PUM1: variants seen among roughly 807,000 people sequenced by gnomAD.
The protein encoded by PUM1 is pumilio RNA binding family member 1.
Under a neutral mutation model 131.8 loss-of-function variants are expected in PUM1, and 13 were observed. That is an observed-to-expected ratio of 0.10 (90% CI 0.06 to 0.16). The LOEUF is 0.16. Among genes scored for constraint, PUM1 ranks in the 10% least tolerant of loss-of-function variants. The probability of loss-of-function intolerance (pLI) is 1.00; values close to 1 mark genes in which losing one functional copy is unlikely to be tolerated. For synonymous variants in PUM1, 509 were observed against 556.5 expected (o/e 0.91, Z 1.20); for missense variants, 961 against 1,512.4 (o/e 0.64, Z 6.05).
At chr1:31,005,744 G>C (rs1642376730) in intron 5 of PUM1, 109 bp downstream of exon 5, 2 of 1,063,868 alleles carry the variant, frequency 1.9e-6, no homozygotes, top group Admixed American at 2.7e-5. Context: ...TTAATGCTGT[G>C]AACATCTAAG....
Position 30,993,087 on chromosome 1 carries a change from C to A in PUM1, c.888-427G>T, listed in dbSNP as rs182937575. Among the ~76,000 whole-genome samples the A allele has an allele frequency of 2.0e-5, 3 of 152,200 alleles. 1 individual carries two copies. The highest frequency in any genetic ancestry group is 2.0e-4 in the Admixed American group (3 of 15,280). On this transcript the variant is annotated intron_variant, in intron 6 of 21. Transcript: ENST00000426105. The stretch of plus-strand genomic sequence containing the variant: ...GGGGAAATTCCACAACTCAGTGATT[C>A]TAAAAAGTTTTTATCTTCCTGGCAT...
intron 2 of PUM1, among the ~76,000 whole-genome samples, chr1:31,057,768 G>C (rs1427740057): frequency 6.6e-6 from 1 of 151,580 alleles, no homozygotes; most frequent in Non-Finnish European, 1.5e-5. Context: ...TCACTTTTGG[G>C]GGGATCAGAG....
intron 3 of PUM1, among the ~76,000 whole-genome samples, chr1:31,027,110 T>C (rs1477678874): frequency 6.6e-6 from 1 of 152,142 alleles, no homozygotes; most frequent in East Asian, 1.9e-4. Flanking sequence ...CACAAAACAA[T>C]AATAGGGCAT....
At chr1:31,046,076 T>C (rs993229510) in intron 2 of PUM1, among the ~76,000 whole-genome samples, 10 of 139,912 alleles carry the variant, frequency 7.1e-5, no homozygotes, top group Admixed American at 6.5e-4. Context: ...CGTAAGACTC[T>C]GTCTCAAAAT....
At chr1:30,933,484 A>ACACACACACACACACACACACACC (rs1491459248) in intron 21 of PUM1, 142 bp from the exon 22 acceptor site, 1 of 710,938 alleles carries the variant, frequency 1.4e-6, no homozygotes, top group East Asian at 3.4e-5. Context: ...ACACACACAC[A>ACACACACACACACACACACACACC]CCCCTACAGC....
At position 30,994,254 on chromosome 1, in the gene PUM1, G is replaced by A. The variant is rs140545978; in HGVS notation, c.887+800C>T. Among the ~76,000 whole-genome samples, 1,232 of 152,116 alleles carry A rather than the reference G, an allele frequency of 8.1e-3. 21 individuals are homozygous for A. Among genetic ancestry groups the A allele is most frequent in the African/African-American group, 0.028 (1,182 of 41,476 alleles). ...AGAATAAGCAGAGGGGTGTGAGTGT[G>A]TGCATGCACACACATTAGCTTTACA... On this transcript the variant is annotated intron_variant, in intron 6 of 21. Transcript: ENST00000426105.
intron 1 of PUM1, among the ~76,000 whole-genome samples, chr1:31,061,383 C>T (rs1183414523): frequency 2.0e-5 from 3 of 151,098 alleles, no homozygotes; most frequent in African/African-American, 7.3e-5. Flanking sequence ...TTTGGGAGGC[C>T]GAGGCGGGTG....
chr1:30,932,979 C>T lies in PUM1; in HGVS notation c.*232G>A, dbSNP rs1403841617. 7.0e-6 allele frequency: 3 copies of T among 431,090 alleles called. No homozygotes were observed. The East Asian group carries it at 1.5e-4, about 21-fold the overall frequency. The allele number at this position is 431,090 out of a possible 1,614,324, so 26.7% of individuals were successfully genotyped here. A position where few individuals can be genotyped will look rare whatever the true frequency, so the allele number is the denominator to read the frequency against. On this transcript the variant is annotated 3_prime_UTR_variant, in exon 22 of 22. Coordinates refer to ENST00000426105, the MANE Select transcript of PUM1 (RefSeq NM_001020658.2). ...ACAAGTATCCTATACACCAGTAAAA[C>T]AGCAGGGCAATTAGTCAATTAAAAA...
intron 7 of PUM1, among the ~76,000 whole-genome samples, chr1:30,989,174 T>C (rs1641678657): frequency 6.6e-6 from 1 of 152,186 alleles, no homozygotes; most frequent in African/African-American, 2.4e-5. Flanking sequence ...CCAGACTGAC[T>C]ACTTCTACAT....
At position 30,981,292 on chromosome 1, in the gene PUM1, C is replaced by G; in HGVS notation, c.1252+20G>C. On this transcript the variant is annotated intron_variant, in intron 8 of 21. Coordinates refer to ENST00000426105, the MANE Select transcript of PUM1 (RefSeq NM_001020658.2). ...GGCGGCCACACCTATCATGAAAGAG[C>G]TATGGGCTTAAGGACTTACCGATGT... 6.7e-7 allele frequency: 1 copy of G among 1,497,850 alleles called. No homozygotes were observed. The highest frequency in any genetic ancestry group is 9.1e-7 in the Non-Finnish European group (1 of 1,093,800). The allele number at this position is 1,497,850 out of a possible 1,614,324, so 92.8% of individuals were successfully genotyped here. A position where few individuals can be genotyped will look rare whatever the true frequency, so the allele number is the denominator to read the frequency against.
chr1:30,981,262 A>G, intron 8 of PUM1, 50 bp downstream of exon 8: 1 of 1,219,718 alleles, frequency 8.2e-7, no homozygotes, highest in Non-Finnish European at 1.2e-6. Flanking sequence ...CAGTTATCCT[A>G]AAATGGCGGC....
intron 3 of PUM1, among the ~76,000 whole-genome samples, chr1:31,027,153 AT>A (rs1419278802): frequency 1.3e-5 from 2 of 152,168 alleles, no homozygotes; most frequent in African/African-American, 2.4e-5. Context: ...TTTTTTAAAA[AT>A]AAAAACAGGC....
chr1:30,989,573 A>G (rs1186582924), intron 7 of PUM1, among the ~76,000 whole-genome samples: 1 of 127,544 alleles, frequency 7.8e-6, no homozygotes, highest in Non-Finnish European at 1.7e-5. Context: ...CTCCGTCTCA[A>G]AAAAAAAAAA....
At chr1:31,046,540 C>T (rs534485206) in intron 2 of PUM1, among the ~76,000 whole-genome samples, 18 of 133,134 alleles carry the variant, frequency 1.4e-4, no homozygotes, top group Admixed American at 7.9e-4. Context: ...CAGAGCCTTG[C>T]TCTGTCACTC....
intron 10 of PUM1, among the ~76,000 whole-genome samples, chr1:30,970,206 T>C (rs1000639715): frequency 2.0e-5 from 3 of 152,096 alleles, no homozygotes; most frequent in African/African-American, 7.2e-5. Flanking sequence ...GTTAGACATA[T>C]GGTCAAGAAA....
chr1:30,987,257 C>T (rs562310663), intron 7 of PUM1, among the ~76,000 whole-genome samples: 2 of 149,492 alleles, frequency 1.3e-5, no homozygotes, highest in South Asian at 2.1e-4. Context: ...AGTGCAGTGG[C>T]GTGATCTCAG....
intron 9 of PUM1, among the ~76,000 whole-genome samples, chr1:30,977,687 G>A (rs766930377): frequency 2.0e-5 from 3 of 152,018 alleles, no homozygotes; most frequent in Non-Finnish European, 2.9e-5. Context: ...TTTCACCCTG[G>A]CTCAACTGAC....
intron 5 of PUM1, among the ~76,000 whole-genome samples, chr1:30,996,770 A>T (rs1454690119): frequency 6.6e-6 from 1 of 152,252 alleles, no homozygotes; most frequent in African/African-American, 2.4e-5. Flanking sequence ...AGATAGGAAT[A>T]TGATAGGGTT....
At chr1:31,058,230 TACA>T (rs1232965155) in intron 2 of PUM1, among the ~76,000 whole-genome samples, 4 of 152,126 alleles carry the variant, frequency 2.6e-5, no homozygotes, top group African/African-American at 4.8e-5. Context: ...TACTTTCAAC[TACA>T]ACATCTTAAA....
Sources: gnomAD v4.1 joint callset for allele counts (sites outside exome capture counted in the v4.1 genomes callset) on GRCh38, gnomAD v4.1.1 for gene constraint, MANE v1.5 for transcripts, NCBI Gene and HGNC (gene_info 2026-07-23, HGNC 2026-07-21) for gene names.